Variants in ZNF407 observed in about 807,000 individuals in gnomAD.
ZNF407 encodes zinc finger protein 407.
Under a neutral mutation model 131.2 loss-of-function variants are expected in ZNF407, and 17 were observed. That is an observed-to-expected ratio of 0.13 (90% CI 0.09 to 0.19). The LOEUF (loss-of-function observed/expected upper bound fraction) is 0.19, where lower values mean the gene tolerates loss of function less well. Among genes scored for constraint, ZNF407 ranks in the 10% least tolerant of loss-of-function variants. The probability of loss-of-function intolerance (pLI) is 1.00; values close to 1 mark genes in which losing one functional copy is unlikely to be tolerated. For synonymous variants in ZNF407, 1,156 were observed against 1,062.0 expected (o/e 1.09, Z -1.72); for missense variants, 2,681 against 2,830.6 (o/e 0.95, Z 1.20).
At chr18:74,804,651 A>G in intron 4 of ZNF407, 1 of 963,860 alleles carries the variant, frequency 1.0e-6, no homozygotes, top group Non-Finnish European at 1.2e-6. Context: ...ACGTCTGATT[A>G]TTTGTATTTC....
chr18:74,615,108 C>G (rs147040377), intron 1 of ZNF407, among the ~76,000 whole-genome samples: 1 of 152,200 alleles, frequency 6.6e-6, no homozygotes, highest in Admixed American at 6.5e-5. Flanking sequence ...TGAGAAAGCT[C>G]AAAGACAGAG....
At chr18:74,896,930 T>G (rs1007096172) in intron 7 of ZNF407, among the ~76,000 whole-genome samples, 4 of 152,364 alleles carry the variant, frequency 2.6e-5, no homozygotes. Flanking sequence ...CCTAGTTTTC[T>G]CTGCCCATTT....
chr18:75,014,420 C>G (rs893214166), intron 8 of ZNF407, among the ~76,000 whole-genome samples: 1 of 152,024 alleles, frequency 6.6e-6, no homozygotes, highest in East Asian at 1.9e-4. Context: ...ATCTCTACCC[C>G]TTCTTGAAGG....
intron 8 of ZNF407, among the ~76,000 whole-genome samples, chr18:75,012,841 T>C (rs1048337658): frequency 2.6e-5 from 4 of 152,022 alleles, no homozygotes; most frequent in African/African-American, 7.2e-5. Context: ...TTTAAATACA[T>C]GCATTTTTCT....
chr18:74,617,084 T>C, intron 1 of ZNF407, among the ~76,000 whole-genome samples: 1 of 77,836 alleles, frequency 1.3e-5, no homozygotes, highest in Non-Finnish European at 2.2e-5. Context: ...CACACATCCA[T>C]ATCCATGCAC....
intron 3 of ZNF407, among the ~76,000 whole-genome samples, chr18:74,739,924 A>G (rs1279323571): frequency 7.2e-5 from 11 of 152,164 alleles, no homozygotes; most frequent in Non-Finnish European, 1.5e-4. Context: ...TGTCTTTTTT[A>G]TGATACCTTT....
chr18:75,010,789 A>G (rs1239556222), intron 8 of ZNF407, among the ~76,000 whole-genome samples: 1 of 152,192 alleles, frequency 6.6e-6, no homozygotes, highest in Non-Finnish European at 1.5e-5. Flanking sequence ...CGGTTTTCAC[A>G]TGCCTCCTAC....
intron 3 of ZNF407, among the ~76,000 whole-genome samples, chr18:74,652,992 A>C (rs1985295713): frequency 6.6e-6 from 1 of 151,952 alleles, no homozygotes; most frequent in Non-Finnish European, 1.5e-5. Flanking sequence ...TGGTTGAAAA[A>C]CGGAAAATTC....
intron 4 of ZNF407, among the ~76,000 whole-genome samples, chr18:74,825,725 G>A (rs1970401269): frequency 6.6e-6 from 1 of 152,106 alleles, no homozygotes; most frequent in Non-Finnish European, 1.5e-5. Context: ...TTAAATGAGA[G>A]GCTTATGATG....
chr18:74,777,288 T>A lies in ZNF407; in HGVS notation c.4803-4140T>A, dbSNP rs1969492483. The stretch of plus-strand genomic sequence containing the variant: ...GCTGTTTTTACACCAAAACAAATTT[T>A]AAGTTGTACTGTGTCAGGCATTTAC... On this transcript the variant is annotated intron_variant, in intron 3 of 8. Transcript: ENST00000299687. Among the ~76,000 whole-genome samples the A allele has an allele frequency of 2.6e-5, 4 of 152,214 alleles. No homozygotes were observed. In the South Asian group the frequency reaches 8.3e-4, roughly 32 times the overall value.
intron 3 of ZNF407, among the ~76,000 whole-genome samples, chr18:74,705,922 T>A (rs546720170): frequency 6.6e-6 from 1 of 152,348 alleles, no homozygotes; most frequent in Admixed American, 6.5e-5. Flanking sequence ...TGCACTGAAT[T>A]GTCTATGAGC....
chr18:75,003,436 A>G (rs1159874933), intron 8 of ZNF407, among the ~76,000 whole-genome samples: 1 of 152,208 alleles, frequency 6.6e-6, no homozygotes, highest in African/African-American at 2.4e-5. Context: ...AGAGTTCTGC[A>G]TAGGGTTTAG....
rs937227813 is a variant in ZNF407, at chr18:74,831,080, A to G, written c.4878-46117A>G. ...CATAATGTCCTCCAGTTCCATCTAT[A>G]TTGCCAAAAATGATAGGATTTCATT... On this transcript the variant is annotated intron_variant, in intron 4 of 8. Transcript: ENST00000299687. Among the ~76,000 whole-genome samples, 5 of 152,144 alleles carry G rather than the reference A, an allele frequency of 3.3e-5. No homozygotes were observed. The East Asian group carries it at 7.7e-4, about 23-fold the overall frequency.
At chr18:75,012,331 T>C (rs868404896) in intron 8 of ZNF407, among the ~76,000 whole-genome samples, 64 of 102,624 alleles carry the variant, frequency 6.2e-4, no homozygotes, top group African/African-American at 1.6e-3. Context: ...ACATAGTGTA[T>C]GTACACATAG....
intron 4 of ZNF407, among the ~76,000 whole-genome samples, chr18:74,851,677 ATTTAT>A (rs919234783): frequency 4.6e-5 from 7 of 152,116 alleles, no homozygotes; most frequent in Non-Finnish European, 1.0e-4. Context: ...GAAATTCTTG[ATTTAT>A]TTTATTCCAC....
intron 8 of ZNF407, among the ~76,000 whole-genome samples, chr18:74,984,611 A>C (rs1972631356): frequency 6.6e-6 from 1 of 152,248 alleles, no homozygotes; most frequent in Non-Finnish European, 1.5e-5. Context: ...AATGGATGTT[A>C]ATAACCAACT....
chr18:74,610,050 A>C (rs753701490), intron 1 of ZNF407, among the ~76,000 whole-genome samples: 16 of 152,216 alleles, frequency 1.1e-4, no homozygotes, highest in Non-Finnish European at 1.8e-4. Context: ...AACATATTGG[A>C]TATATCCTTC....
At chr18:74,672,644 G>A (rs1986199167) in intron 3 of ZNF407, among the ~76,000 whole-genome samples, 1 of 151,882 alleles carries the variant, frequency 6.6e-6, no homozygotes, top group Admixed American at 6.6e-5. Context: ...ATTCATTGGA[G>A]CACTGTTCGT....
At chr18:74,987,105 A>G (rs2122128000) in intron 8 of ZNF407, among the ~76,000 whole-genome samples, 1 of 152,304 alleles carries the variant, frequency 6.6e-6, no homozygotes, top group East Asian at 1.9e-4. Flanking sequence ...TCAGGAACAG[A>G]CAAAATACAT....
Sources: allele counts gnomAD v4.1 joint callset (sites outside exome capture counted in the v4.1 genomes callset), GRCh38; gene constraint gnomAD v4.1.1; transcripts MANE v1.5; gene names NCBI Gene and HGNC (gene_info 2026-07-23, HGNC 2026-07-21).